The following MACROD2 variants were observed in gnomAD, a reference collection of about 807,000 sequenced individuals.
The protein encoded by MACROD2 is ADP-ribose glycohydrolase MACROD2.
Under a neutral mutation model 70.4 loss-of-function variants are expected in MACROD2, and 36 were observed. The observed-to-expected ratio is 0.51, with a 90% CI of 0.39 to 0.68. The LOEUF (loss-of-function observed/expected upper bound fraction) is 0.68, where lower values mean the gene tolerates loss of function less well. MACROD2 is among the 30% of genes least tolerant of loss of function. The pLI, the probability that MACROD2 is intolerant of heterozygous loss-of-function variation, is 0.00. For synonymous variants in MACROD2, 172 were observed against 178.8 expected, an observed-to-expected ratio of 0.96 and a Z score of 0.30; for missense variants, 496 against 538.4, an observed-to-expected ratio of 0.92 and a Z score of 0.78.
chr20:15,844,613 G>T (rs1452959525), intron 8 of MACROD2, among the ~76,000 whole-genome samples: 1 of 152,090 alleles, frequency 6.6e-6, no homozygotes. Flanking sequence ...ACCTAGTGTT[G>T]TACTATTTAT....
chr20:15,815,030 A>C (rs897483431), intron 8 of MACROD2, among the ~76,000 whole-genome samples: 2 of 152,216 alleles, frequency 1.3e-5, no homozygotes, highest in African/African-American at 4.8e-5. Flanking sequence ...TTCAGGGCAG[A>C]GGGGGTACTT....
chr20:14,797,162 C>T (rs1053253545), intron 5 of MACROD2, among the ~76,000 whole-genome samples: 3 of 152,028 alleles, frequency 2.0e-5, no homozygotes, highest in African/African-American at 7.3e-5. Flanking sequence ...CTGCTGAGCC[C>T]AAACTACCAT....
At chr20:15,802,610 A>G (rs2063735889) in intron 8 of MACROD2, among the ~76,000 whole-genome samples, 1 of 152,170 alleles carries the variant, frequency 6.6e-6, no homozygotes, top group South Asian at 2.1e-4. Flanking sequence ...CCCTTAAGAT[A>G]TTAAAAAAGC....
At chr20:15,216,961 G>A (rs1010884232) in intron 5 of MACROD2, among the ~76,000 whole-genome samples, 1 of 152,142 alleles carries the variant, frequency 6.6e-6, no homozygotes, top group African/African-American at 2.4e-5. Flanking sequence ...CAGAAAGACA[G>A]CATTCAGAAT....
At chr20:14,661,547 G>A (rs1326190871) in intron 4 of MACROD2, among the ~76,000 whole-genome samples, 1 of 152,036 alleles carries the variant, frequency 6.6e-6, no homozygotes, top group Non-Finnish European at 1.5e-5. Flanking sequence ...CAGAAGCTCT[G>A]TAGTTTAATT....
At chr20:15,781,443 A>C (rs1420321956) in intron 8 of MACROD2, among the ~76,000 whole-genome samples, 1 of 136,328 alleles carries the variant, frequency 7.3e-6, no homozygotes, top group African/African-American at 3.0e-5. Flanking sequence ...AAAGACTAGA[A>C]ATTTATTTCT....
At chr20:15,096,955 G>A (rs1167695412) in intron 5 of MACROD2, among the ~76,000 whole-genome samples, 2 of 151,554 alleles carry the variant, frequency 1.3e-5, no homozygotes, top group Non-Finnish European at 2.9e-5. Context: ...GGAATTACAG[G>A]TGCTCGCCAC....
intron 5 of MACROD2, among the ~76,000 whole-genome samples, chr20:15,104,190 G>A (rs968350784): frequency 1.3e-5 from 2 of 152,096 alleles, no homozygotes; most frequent in Non-Finnish European, 2.9e-5. Flanking sequence ...CTCTTGGGAC[G>A]GAACTGAAAG....
At chr20:15,729,831 C>CTTTTTTTTTTTTTT (rs61542762) in intron 8 of MACROD2, among the ~76,000 whole-genome samples, 8,418 of 64,212 alleles carry the variant, frequency 0.13, 2,786 homozygotes, top group Non-Finnish European at 0.15. Context: ...TTGGGTCATG[C>CTTTTTTTTTTTTTT]TTTTTTTTTT....
At chr20:14,392,888 G>T (rs946157362) in intron 3 of MACROD2, among the ~76,000 whole-genome samples, 17 of 152,126 alleles carry the variant, frequency 1.1e-4, no homozygotes, top group Admixed American at 3.9e-4. Context: ...GATCTCTGCA[G>T]TATAGCTCTG....
At chr20:15,769,551 C>T (rs973637359) in intron 8 of MACROD2, among the ~76,000 whole-genome samples, 1 of 152,180 alleles carries the variant, frequency 6.6e-6, no homozygotes, top group Admixed American at 6.5e-5. Context: ...GCACCACAAA[C>T]GCATGAATAA....
intron 5 of MACROD2, among the ~76,000 whole-genome samples, chr20:15,106,281 G>A (rs2075910271): frequency 1.3e-5 from 2 of 152,042 alleles, no homozygotes. Context: ...TGTGCCGTAA[G>A]CCTAGTGGCA....
intron 6 of MACROD2, among the ~76,000 whole-genome samples, chr20:15,288,329 G>T (rs1221705682): frequency 6.6e-6 from 1 of 152,148 alleles, no homozygotes; most frequent in Admixed American, 6.5e-5. Context: ...GAGCAGAACG[G>T]CAGTTCCAGA....
At chr20:14,178,845 T>A (rs910978188) in intron 3 of MACROD2, among the ~76,000 whole-genome samples, 1 of 151,074 alleles carries the variant, frequency 6.6e-6, no homozygotes, top group Non-Finnish European at 1.5e-5. Context: ...TTTCAGTAAC[T>A]TCCCCCTTTA....
chr20:14,207,154 G>A (rs2081530818), intron 3 of MACROD2, among the ~76,000 whole-genome samples: 1 of 151,852 alleles, frequency 6.6e-6, no homozygotes, highest in Non-Finnish European at 1.5e-5. Flanking sequence ...CACTCAGGCT[G>A]GAGTGCAATT....
intron 8 of MACROD2, among the ~76,000 whole-genome samples, chr20:15,613,925 G>A (rs1203596266): frequency 6.6e-6 from 1 of 152,228 alleles, no homozygotes; most frequent in Non-Finnish European, 1.5e-5. Context: ...TGGCTCAATA[G>A]AGCCACTTAC....
At chr20:15,188,716 C>T (rs1176746588) in intron 5 of MACROD2, among the ~76,000 whole-genome samples, 1 of 152,146 alleles carries the variant, frequency 6.6e-6, no homozygotes, top group African/African-American at 2.4e-5. Context: ...TCATTTATGA[C>T]AATGACTTTA....
chr20:15,366,048 G>A (rs988416919), intron 6 of MACROD2, among the ~76,000 whole-genome samples: 50 of 152,202 alleles, frequency 3.3e-4, no homozygotes, highest in African/African-American at 1.2e-3. Context: ...AATGTAAGAT[G>A]ATGACTGACA....
chr20:14,761,657 G>A (rs1310218780), intron 5 of MACROD2, among the ~76,000 whole-genome samples: 3 of 152,084 alleles, frequency 2.0e-5, no homozygotes, highest in African/African-American at 7.3e-5. Context: ...AGCTCTCACT[G>A]GTTCCTCTCC....
Sources: allele counts gnomAD v4.1 joint callset (sites outside exome capture counted in the v4.1 genomes callset), GRCh38; gene constraint gnomAD v4.1.1; transcripts MANE v1.5; gene names NCBI Gene and HGNC (gene_info 2026-07-23, HGNC 2026-07-21).